The following ENOX1 variants were observed in gnomAD, a reference collection of about 807,000 sequenced individuals.
The protein encoded by ENOX1 is candidate growth-related and time keeping constitutive hydroquinone (NADH) oxidase.
A neutral mutation model predicts 82.5 loss-of-function variants in ENOX1; 42 were observed. The ratio of observed to expected loss-of-function variants is 0.51; its 90% CI spans 0.40 to 0.66. The LOEUF (loss-of-function observed/expected upper bound fraction) is 0.66. ENOX1 is among the 30% of genes least tolerant of loss of function. The pLI is 0.00. For synonymous variants in ENOX1, 271 were observed against 282.2 expected, an observed-to-expected ratio of 0.96 and a Z score of 0.40; for missense variants, 608 against 811.6, an observed-to-expected ratio of 0.75 and a Z score of 3.05.
intron 5 of ENOX1, among the ~76,000 whole-genome samples, chr13:43,407,744 G>A (rs561008182): frequency 6.6e-6 from 1 of 152,192 alleles, no homozygotes; most frequent in East Asian, 1.9e-4. Flanking sequence ...GGCCACCTAA[G>A]TATAATACTT....
At chr13:43,318,033 T>C (rs951825277) in intron 11 of ENOX1, among the ~76,000 whole-genome samples, 4 of 151,968 alleles carry the variant, frequency 2.6e-5, no homozygotes, top group Admixed American at 6.6e-5. Context: ...TTTGTACCTA[T>C]GTTATGGTGA....
At chr13:43,779,042 T>C (rs1411987530) in intron 1 of ENOX1, among the ~76,000 whole-genome samples, 1 of 152,166 alleles carries the variant, frequency 6.6e-6, no homozygotes, top group Non-Finnish European at 1.5e-5. Context: ...CTGGTCTCCA[T>C]GTCCCCAACT....
chr13:43,441,841 CTT>C (rs1017227053), intron 3 of ENOX1, among the ~76,000 whole-genome samples: 1 of 147,976 alleles, frequency 6.8e-6, no homozygotes, highest in Non-Finnish European at 1.5e-5. Context: ...AGAAAGAACA[CTT>C]TTTTTTTTAA....
chr13:43,324,139 GT>G (rs1362536989), intron 10 of ENOX1, among the ~76,000 whole-genome samples: 2 of 151,524 alleles, frequency 1.3e-5, no homozygotes, highest in Non-Finnish European at 2.9e-5. Flanking sequence ...GGTGTCACAT[GT>G]GATTAGTGCG....
intron 16 of ENOX1, among the ~76,000 whole-genome samples, chr13:43,214,747 C>T (rs993647190): frequency 1.3e-5 from 2 of 152,000 alleles, no homozygotes; most frequent in African/African-American, 4.8e-5. Context: ...ATTTTTACAC[C>T]AATAATTCAT....
At chr13:43,235,155 A>G (rs1395944330) in intron 15 of ENOX1, among the ~76,000 whole-genome samples, 2 of 152,128 alleles carry the variant, frequency 1.3e-5, no homozygotes, top group Non-Finnish European at 2.9e-5. Context: ...CCAACTACAT[A>G]TGGGTTCGTT....
chr13:43,229,654 G>A (rs779349879), intron 15 of ENOX1, among the ~76,000 whole-genome samples: 2 of 152,214 alleles, frequency 1.3e-5, no homozygotes, highest in East Asian at 3.8e-4. Context: ...ATGGAGGGTA[G>A]AGCAGAGGGG....
At chr13:43,342,405 T>G (rs2049118539) in intron 9 of ENOX1, among the ~76,000 whole-genome samples, 1 of 152,080 alleles carries the variant, frequency 6.6e-6, no homozygotes, top group Non-Finnish European at 1.5e-5. Flanking sequence ...GCTTGAGAAT[T>G]TATGAGAATG....
intron 3 of ENOX1, among the ~76,000 whole-genome samples, chr13:43,445,220 T>G (rs1409063156): frequency 6.7e-6 from 1 of 150,232 alleles, no homozygotes; most frequent in African/African-American, 2.4e-5. Context: ...ACCTCCTGGG[T>G]TCACACCATT....
intron 3 of ENOX1, among the ~76,000 whole-genome samples, chr13:43,445,126 T>TG (rs2056559378): frequency 2.8e-5 from 1 of 35,540 alleles, no homozygotes; most frequent in South Asian, 1.2e-3. Flanking sequence ...TCTTTCTGGG[T>TG]TTTTTTTTTT....
At chr13:43,643,653 A>ACG (rs1185826806) in intron 2 of ENOX1, among the ~76,000 whole-genome samples, 8 of 151,572 alleles carry the variant, frequency 5.3e-5, no homozygotes, top group African/African-American at 1.9e-4. Context: ...ATATATACAC[A>ACG]CACATATATA....
At chr13:43,451,194 C>T (rs764327209) in intron 3 of ENOX1, among the ~76,000 whole-genome samples, 44 of 152,118 alleles carry the variant, frequency 2.9e-4, no homozygotes, top group African/African-American at 8.9e-4. Flanking sequence ...TTGGACCAGA[C>T]GCTGCAAGGC....
chr13:43,269,433 G>A (rs41288327), intron 13 of ENOX1, 37 bp downstream of exon 13: 179,552 of 1,519,814 alleles, frequency 0.12, 11,985 homozygotes, highest in Middle Eastern at 0.15. Context: ...GGGGTGTTTG[G>A]ACTGATTCAT....
chr13:43,418,356 T>C (rs969672838), intron 3 of ENOX1, among the ~76,000 whole-genome samples: 5 of 152,068 alleles, frequency 3.3e-5, no homozygotes, highest in African/African-American at 1.2e-4. Context: ...GGTGAAACCC[T>C]ATCTCTACTA....
At chr13:43,381,470 A>T (rs1358614360) in intron 5 of ENOX1, among the ~76,000 whole-genome samples, 6 of 50,050 alleles carry the variant, frequency 1.2e-4, no homozygotes, top group African/African-American at 3.0e-4. Context: ...CTTCTATCTT[A>T]TAAAAAAAAA....
At chr13:43,730,616 G>C (rs6561145) in intron 1 of ENOX1, among the ~76,000 whole-genome samples, 1,946 of 152,096 alleles carry the variant, frequency 0.013, 37 homozygotes, top group African/African-American at 0.044. Context: ...CATCATACTG[G>C]CTCCATCACA....
At chr13:43,739,544 T>C (rs1023894931) in intron 1 of ENOX1, among the ~76,000 whole-genome samples, 4 of 150,684 alleles carry the variant, frequency 2.7e-5, no homozygotes, top group Non-Finnish European at 5.9e-5. Flanking sequence ...AGTGAGAGCC[T>C]GTCTCAAATA....
intron 2 of ENOX1, among the ~76,000 whole-genome samples, chr13:43,487,255 A>G (rs1444865324): frequency 6.6e-6 from 1 of 152,156 alleles, no homozygotes; most frequent in Non-Finnish European, 1.5e-5. Context: ...AAAACGTGCT[A>G]TGAAGCTCAG....
intron 1 of ENOX1, among the ~76,000 whole-genome samples, chr13:43,669,464 T>C (rs1187694542): frequency 1.3e-5 from 2 of 152,174 alleles, no homozygotes; most frequent in Non-Finnish European, 2.9e-5. Flanking sequence ...TTCTTTTCCC[T>C]TTCAATCTGC....
Sources: allele counts gnomAD v4.1 joint callset (sites outside exome capture counted in the v4.1 genomes callset), GRCh38; gene constraint gnomAD v4.1.1; transcripts MANE v1.5; gene names NCBI Gene and HGNC (gene_info 2026-07-23, HGNC 2026-07-21).